The following PELI2 variants were observed in gnomAD, a reference collection of about 807,000 sequenced individuals.
PELI2 encodes pellino E3 ubiquitin protein ligase family member 2.
In PELI2, 23 loss-of-function variants were observed where a neutral mutation model predicts 42.3. That is an observed-to-expected ratio of 0.54 (90% CI 0.39 to 0.77). PELI2 has a LOEUF of 0.77. Among genes scored for constraint, PELI2 ranks in the 30% least tolerant of loss-of-function variants. The probability of loss-of-function intolerance (pLI) is 0.00; values close to 1 mark genes in which losing one functional copy is unlikely to be tolerated. For synonymous variants in PELI2, 245 were observed against 212.2 expected, an observed-to-expected ratio of 1.15 and a Z score of -1.34; for missense variants, 463 against 553.2, an observed-to-expected ratio of 0.84 and a Z score of 1.64.
At chr14:56,246,469 T>C (rs1888163895) in intron 2 of PELI2, among the ~76,000 whole-genome samples, 1 of 152,220 alleles carries the variant, frequency 6.6e-6, no homozygotes, top group Non-Finnish European at 1.5e-5. Context: ...CTTTCAACCC[T>C]TCCTCCTGTG....
intron 2 of PELI2, among the ~76,000 whole-genome samples, chr14:56,187,961 A>C (rs1885826199): frequency 6.6e-6 from 1 of 152,164 alleles, no homozygotes; most frequent in African/African-American, 2.4e-5. Flanking sequence ...GGACCTTCGC[A>C]GGGGGCGTTG....
intron 2 of PELI2, among the ~76,000 whole-genome samples, chr14:56,205,178 C>T (rs747336914): frequency 1.3e-5 from 2 of 152,064 alleles, no homozygotes; most frequent in Non-Finnish European, 2.9e-5. Flanking sequence ...TGCTCTTTGA[C>T]TAGAACATGG....
intron 1 of PELI2, among the ~76,000 whole-genome samples, chr14:56,142,704 A>ATTGCTAT (rs1883960469): frequency 6.6e-6 from 1 of 151,968 alleles, no homozygotes; most frequent in African/African-American, 2.4e-5. Context: ...AACACTAAAG[A>ATTGCTAT]TTGCTATTTA....
chr14:56,147,812 T>G (rs556109769), intron 1 of PELI2, among the ~76,000 whole-genome samples: 7 of 152,280 alleles, frequency 4.6e-5, no homozygotes, highest in African/African-American at 1.7e-4. Context: ...TTTGGGTGTG[T>G]GTTAAAAAGG....
chr14:56,209,641 C>T (rs560159961), intron 2 of PELI2, among the ~76,000 whole-genome samples: 19 of 151,948 alleles, frequency 1.3e-4, no homozygotes, highest in African/African-American at 4.3e-4. Flanking sequence ...GGTAAATGCC[C>T]ACAGATATAT....
rs527276015 is a variant in PELI2 at position 56,185,977 on chromosome 14, C to G, written c.207+7513C>G. Among the ~76,000 whole-genome samples the G allele has an allele frequency of 1.6e-4, 24 of 152,146 alleles. No individual in the cohort carries two copies. In the South Asian group the frequency reaches 4.8e-3, roughly 30 times the overall value. On this transcript the variant is annotated intron_variant, in intron 2 of 5. Transcript: ENST00000267460. ...TCACTGGAATCTGTGAATATATTAC[C>G]TTACATGGCAAAAGGGATTTTGCAG...
chr14:56,157,868 G>A (rs1884624153), intron 1 of PELI2, among the ~76,000 whole-genome samples: 1 of 152,298 alleles, frequency 6.6e-6, no homozygotes, highest in South Asian at 2.1e-4. Context: ...ATGATACAGA[G>A]GATTCCAATG....
At chr14:56,211,696 A>G (rs1451954213) in intron 2 of PELI2, among the ~76,000 whole-genome samples, 1 of 152,222 alleles carries the variant, frequency 6.6e-6, no homozygotes, top group East Asian at 1.9e-4. Context: ...TTATAAAAGT[A>G]TTAAACAAAT....
chr14:56,145,400 C>T (rs959959887), intron 1 of PELI2, among the ~76,000 whole-genome samples: 1 of 152,116 alleles, frequency 6.6e-6, no homozygotes, highest in African/African-American at 2.4e-5. Flanking sequence ...ACAGCCAGAC[C>T]GTATCTCTAG....
At chr14:56,232,343 T>C (rs375726956) in intron 2 of PELI2, among the ~76,000 whole-genome samples, 1 of 152,052 alleles carries the variant, frequency 6.6e-6, no homozygotes. Context: ...TGATGAACAT[T>C]GATGCAAAAA....
intron 1 of PELI2, 97 bp from the exon 2 acceptor site, chr14:56,178,236 TGA>T: frequency 7.9e-7 from 1 of 1,258,818 alleles, no homozygotes. Context: ...AATTCTTTTA[TGA>T]CCATTCCTGT....
chr14:56,262,375 G>A (rs747295769), intron 2 of PELI2, among the ~76,000 whole-genome samples: 2 of 152,112 alleles, frequency 1.3e-5, no homozygotes, highest in Admixed American at 6.6e-5. Context: ...AATCCCCAGT[G>A]TATTCAATAT....
At chr14:56,151,727 AT>A (rs1884368243) in intron 1 of PELI2, among the ~76,000 whole-genome samples, 1 of 152,260 alleles carries the variant, frequency 6.6e-6, no homozygotes, top group Non-Finnish European at 1.5e-5. Context: ...TCAAGTAAGC[AT>A]TTAGTAAGTT....
intron 2 of PELI2, among the ~76,000 whole-genome samples, chr14:56,227,355 C>A (rs1283499352): frequency 2.0e-5 from 3 of 152,050 alleles, no homozygotes; most frequent in Non-Finnish European, 4.4e-5. Flanking sequence ...GGGGCTGGGC[C>A]TGGTGGTGGC....
At chr14:56,230,483 T>G (rs1887518676) in intron 2 of PELI2, among the ~76,000 whole-genome samples, 1 of 152,206 alleles carries the variant, frequency 6.6e-6, no homozygotes, top group Non-Finnish European at 1.5e-5. Flanking sequence ...TGCCAGAATT[T>G]CATATCCAGC....
chr14:56,291,919 A>G (rs1222186430), intron 5 of PELI2, among the ~76,000 whole-genome samples: 1 of 152,188 alleles, frequency 6.6e-6, no homozygotes, highest in African/African-American at 2.4e-5. Context: ...GACACCTAAT[A>G]CTACTCAGTA....
rs55861626 is a variant in PELI2 at position 56,197,916 on chromosome 14, GACACACACACACAC to G, written c.207+19471_207+19484del. On this transcript the variant is annotated intron_variant, in intron 2 of 5. Transcript: ENST00000267460. The surrounding 1 kb of genome is among the most constrained non-coding windows in gnomAD (Gnocchi z 4.9). ...CACACCAGGAATGGTGACTGGTGAA[GACACACACACACAC>G]ACACACACACACACACACCAGGGAT... 2.9e-5 allele frequency among the ~76,000 whole-genome samples: 4 copies of G among 138,172 alleles called. No homozygotes were observed. The highest frequency in any genetic ancestry group is 7.2e-5 in the Admixed American group (1 of 13,858). The allele number at this position is 138,172 out of a possible 152,430, so 90.6% of individuals were successfully genotyped here. A position where few individuals can be genotyped will look rare whatever the true frequency, so the allele number is the denominator to read the frequency against.
At chr14:56,153,451 C>G (rs912325707) in intron 1 of PELI2, among the ~76,000 whole-genome samples, 1 of 152,126 alleles carries the variant, frequency 6.6e-6, no homozygotes, top group African/African-American at 2.4e-5. Context: ...AAGGGTTTGA[C>G]ATTGCCTGAT....
intron 1 of PELI2, among the ~76,000 whole-genome samples, chr14:56,175,335 C>T (rs765890860): frequency 7.2e-5 from 11 of 152,154 alleles, no homozygotes; most frequent in Non-Finnish European, 1.6e-4. Flanking sequence ...ACCATGAAGC[C>T]TTCTCTAATG....
Sources: gnomAD v4.1 joint callset for allele counts (sites outside exome capture counted in the v4.1 genomes callset) on GRCh38, gnomAD v4.1.1 for gene constraint, Gnocchi (gnomAD v3.1) non-coding constraint, MANE v1.5 for transcripts, NCBI Gene and HGNC (gene_info 2026-07-23, HGNC 2026-07-21) for gene names.